Variants in PLXDC1 observed in about 807,000 individuals in gnomAD.
PLXDC1 encodes the protein plexin domain containing 1.
A neutral mutation model predicts 61.3 loss-of-function variants in PLXDC1; 39 were observed. The ratio of observed to expected loss-of-function variants is 0.64; its 90% CI spans 0.49 to 0.83. The LOEUF is 0.83. Ranked by LOEUF, PLXDC1 falls within the 40% of genes least tolerant of loss-of-function variation. The pLI is 0.00. For missense variants in PLXDC1, 596 were observed against 666.5 expected, an observed-to-expected ratio of 0.89 and a Z score of 1.17; for synonymous variants, 212 against 254.5, an observed-to-expected ratio of 0.83 and a Z score of 1.59.
upstream of PLXDC1, chr17:39,152,404 C>T (rs1417127795): frequency 1.3e-6 from 1 of 759,194 alleles, no homozygotes; most frequent in African/African-American, 1.8e-5. Flanking sequence ...CCTGTCACCA[C>T]CTTCTGACAG....
chr17:39,086,594 G>C (rs1909748248), intron 8 of PLXDC1, among the ~76,000 whole-genome samples: 1 of 152,114 alleles, frequency 6.6e-6, no homozygotes, highest in Non-Finnish European at 1.5e-5. Context: ...AGGCGTGGTG[G>C]CTCACACCTG....
chr17:39,122,812 T>C (rs1014910039), intron 2 of PLXDC1, among the ~76,000 whole-genome samples: 6 of 152,234 alleles, frequency 3.9e-5, no homozygotes, highest in Admixed American at 6.5e-5. Context: ...CACATTTGTT[T>C]TGGGAGGCAG....
At chr17:39,113,837 G>A (rs1910886940) in intron 2 of PLXDC1, among the ~76,000 whole-genome samples, 2 of 137,370 alleles carry the variant, frequency 1.5e-5, no homozygotes, top group Non-Finnish European at 1.6e-5. Context: ...GTGACACAGT[G>A]AGACTCTGTC....
intron 8 of PLXDC1, among the ~76,000 whole-genome samples, chr17:39,084,617 C>T (rs1318348864): frequency 2.0e-5 from 3 of 152,182 alleles, no homozygotes; most frequent in African/African-American, 2.4e-5. Flanking sequence ...GAGAGGGGAA[C>T]GGCCCAGACG....
intron 1 of PLXDC1, among the ~76,000 whole-genome samples, chr17:39,149,362 T>G (rs1375401550): frequency 1.3e-5 from 2 of 151,916 alleles, no homozygotes; most frequent in Non-Finnish European, 1.5e-5. Context: ...TGCCCCTCCT[T>G]AGCAACTCTC....
In PLXDC1 at chr17:39,139,714, C is replaced by G; in HGVS notation, c.195G>C (p.Gln65His). ...VSEPDRTQLS[Q>H]DLGGGTLAMD... ...TGGCCAGGGTGCCCCCACCCAGGTC[C>G]TGGCTCAGCTGGGTCCTGTCCGGCT... is the stretch of plus-strand genomic sequence containing the variant. The change falls in exon 2 of 14, where the codon CAG (glutamine) becomes CAC (histidine). Residue 65 changes from glutamine (Q) to histidine (H), a missense_variant. By Grantham distance (24) the Gln-to-His change is conservative. Transcript: ENST00000315392. 1.2e-6 allele frequency: 2 copies of G among 1,614,028 alleles called. No individual in the cohort carries two copies. Among genetic ancestry groups the G allele is most frequent in the South Asian group, 1.1e-5 (1 of 91,064 alleles).
chr17:39,096,877 T>C, intron 7 of PLXDC1: 1 of 471,054 alleles, frequency 2.1e-6, no homozygotes, highest in Non-Finnish European at 4.4e-6. Flanking sequence ...GCGGATACAC[T>C]GTCCTGTGTG....
chr17:39,091,455 A>G (rs7207737), intron 7 of PLXDC1, among the ~76,000 whole-genome samples: 27,779 of 152,016 alleles, frequency 0.18, 2,859 homozygotes, highest in East Asian at 0.37. Flanking sequence ...ATGGTTTAGA[A>G]TGAGATCCAG....
chr17:39,122,378 CAAAAA>C (rs71141762), intron 2 of PLXDC1, among the ~76,000 whole-genome samples: 2 of 36,522 alleles, frequency 5.5e-5, no homozygotes, highest in African/African-American at 2.2e-4. Context: ...GACTCTGTCT[CAAAAA>C]AAAAAAAAAA....
intron 7 of PLXDC1, among the ~76,000 whole-genome samples, chr17:39,093,307 A>G (rs1910024150): frequency 6.6e-6 from 1 of 152,154 alleles, no homozygotes; most frequent in Non-Finnish European, 1.5e-5. Flanking sequence ...CCTGGCCTCA[A>G]GCAATCCTCC....
chr17:39,085,101 CTG>C (rs1464669295), intron 8 of PLXDC1, among the ~76,000 whole-genome samples: 1 of 152,234 alleles, frequency 6.6e-6, no homozygotes, highest in Non-Finnish European at 1.5e-5. Flanking sequence ...GTGTTTCTTC[CTG>C]TGTGAATTCT....
At chr17:39,082,989 G>C (rs1909617021) in intron 9 of PLXDC1, among the ~76,000 whole-genome samples, 1 of 152,220 alleles carries the variant, frequency 6.6e-6, no homozygotes, top group East Asian at 1.9e-4. Flanking sequence ...TGCAGCCCAA[G>C]AAAGATCTTG....
intron 2 of PLXDC1, among the ~76,000 whole-genome samples, chr17:39,128,592 G>A (rs116774723): frequency 0.015 from 2,321 of 152,192 alleles, 58 homozygotes; most frequent in African/African-American, 0.052. Flanking sequence ...CTCATACATT[G>A]CTGGTGGGAA....
At chr17:39,125,283 C>G (rs145686046) in intron 2 of PLXDC1, among the ~76,000 whole-genome samples, 96 of 152,304 alleles carry the variant, frequency 6.3e-4, no homozygotes, top group African/African-American at 2.2e-3. Flanking sequence ...AGGGGAGATC[C>G]AGGCTGGACA....
At position 39,122,121 on chromosome 17, in the gene PLXDC1, G is replaced by C. The variant is rs557325522; in HGVS notation, c.256-12730C>G. 6.0e-3 allele frequency among the ~76,000 whole-genome samples: 880 copies of C among 145,706 alleles called. 14 individuals are homozygous for C. The highest frequency in any genetic ancestry group is 0.021 in the African/African-American group (810 of 39,222). ...AAAAAAAAAAAAAAAAGGGGGGGGG[G>C]ACTGGGTGCAGTGACTCACGCCTGA... On this transcript the variant is annotated intron_variant, in intron 2 of 13. Coordinates refer to ENST00000315392, the MANE Select transcript of PLXDC1 (RefSeq NM_020405.5).
At chr17:39,141,780 C>A (rs1911941957) in intron 1 of PLXDC1, among the ~76,000 whole-genome samples, 1 of 152,186 alleles carries the variant, frequency 6.6e-6, no homozygotes, top group Non-Finnish European at 1.5e-5. Context: ...ACCAACCGTG[C>A]ACATGGGTTC....
In PLXDC1 at chr17:39,151,338, C is replaced by A; in HGVS notation, c.76+24G>T. 7.9e-7 allele frequency: 1 copy of A among 1,270,636 alleles called. No homozygotes were observed. Among genetic ancestry groups the A allele is most frequent in the South Asian group, 2.7e-5 (1 of 37,650 alleles). 78.7% of individuals were successfully genotyped at this position (1,270,636 alleles called of 1,614,324 possible). ...CGTCCCTCCCCGCCCCCGGCCCACC[C>A]GGGCCGGCTCCCGCCAGTCCTACCT... On this transcript the variant is annotated intron_variant, in intron 1 of 13. Coordinates refer to ENST00000315392, the MANE Select transcript of PLXDC1 (RefSeq NM_020405.5). This position sits in a 1 kb window ranked among gnomAD's most constrained non-coding sequence, Gnocchi z 5.2.
Position 39,146,070 on chromosome 17 carries a change from C to CTTTTT in PLXDC1, c.76+5287_76+5291dup, listed in dbSNP as rs71141767. ...AATCAGGCTGCACTTCGGCCCATTCCTTTTTTTTTTTTTTTTTTGAGAGGG... is the reference window on the plus strand; with the variant it reads ...AATCAGGCTGCACTTCGGCCCATTCCTTTTTTTTTTTTTTTTTTTTTTTGAGAGGG... On this transcript the variant is annotated intron_variant, in intron 1 of 13. Coordinates refer to ENST00000315392, the MANE Select transcript of PLXDC1 (RefSeq NM_020405.5). 5.2e-3 allele frequency among the ~76,000 whole-genome samples: 683 copies of CTTTTT among 131,194 alleles called. 13 individuals are homozygous for CTTTTT. The highest frequency in any genetic ancestry group is 0.019 in the African/African-American group (644 of 33,308). 86.1% of individuals were successfully genotyped at this position (131,194 alleles called of 152,430 possible). A position where few individuals can be genotyped will look rare whatever the true frequency, so the allele number is the denominator to read the frequency against.
intron 1 of PLXDC1, among the ~76,000 whole-genome samples, chr17:39,141,369 T>TA (rs1567773968): frequency 1.3e-5 from 2 of 152,234 alleles, no homozygotes; most frequent in Non-Finnish European, 2.9e-5. Flanking sequence ...GTATCTCATA[T>TA]AAATGGCATC....
Sources: allele counts gnomAD v4.1 joint callset (sites outside exome capture counted in the v4.1 genomes callset), GRCh38; gene constraint gnomAD v4.1.1; non-coding constraint Gnocchi (gnomAD v3.1); transcripts MANE v1.5; gene names NCBI Gene and HGNC (gene_info 2026-07-23, HGNC 2026-07-21).